UBE2F: variants seen among roughly 807,000 people sequenced by gnomAD.
UBE2F encodes ubiquitin conjugating enzyme E2 F (putative), also known as NEDD8-conjugating enzyme UBE2F.
Under a neutral mutation model 29.6 loss-of-function variants are expected in UBE2F, and 5 were observed. The observed-to-expected ratio is 0.17, with a 90% CI of 0.09 to 0.36. The LOEUF (loss-of-function observed/expected upper bound fraction) is 0.36. Ranked by LOEUF, UBE2F falls within the 10% of genes least tolerant of loss-of-function variation. The pLI, the probability that UBE2F is intolerant of heterozygous loss-of-function variation, is 1.00. For missense variants in UBE2F, 141 were observed against 228.5 expected (o/e 0.62, Z 2.47); for synonymous variants, 66 against 81.8 (o/e 0.81, Z 1.04).
chr2:237,968,122 AAG>A (rs1357312675), intron 1 of UBE2F, among the ~76,000 whole-genome samples: 1 of 152,154 alleles, frequency 6.6e-6, no homozygotes, highest in Non-Finnish European at 1.5e-5. Context: ...TGAAGGAACA[AAG>A]AGGAAACTGG....
rs565698975 is a variant in UBE2F, at chr2:237,973,094, T to C, written c.-14T>C. The C allele has an allele frequency of 3.1e-6, 5 of 1,606,158 alleles. No homozygotes were observed. In the African/African-American group the frequency reaches 4.0e-5, roughly 13 times the overall value. On this transcript the variant is annotated splice_region_variant and 5_prime_UTR_variant, in exon 2 of 10. An upstream open reading frame in the 5' UTR loses its in-frame stop. Transcript: ENST00000272930. ...CTGCTTTCATTGCTGTCTTTCAGGG[T>C]AAAGGCAGCAGTAATGCTAACGCTA... is the stretch of plus-strand genomic sequence containing the variant.
intron 2 of UBE2F, among the ~76,000 whole-genome samples, chr2:237,976,907 G>C (rs556240029): frequency 1.6e-4 from 25 of 152,304 alleles, no homozygotes; most frequent in African/African-American, 5.8e-4. Context: ...GTTTATTGCA[G>C]CAAGACAGCC....
In UBE2F at chr2:237,994,773, A is replaced by G. The variant is rs1352472538; in HGVS notation, c.178A>G (p.Asn60Asp). The G allele has an allele frequency of 1.2e-6, 2 of 1,614,156 alleles. No homozygotes were observed. The highest frequency in any genetic ancestry group is 2.2e-5 in the South Asian group (2 of 91,076). ...ATGTAAAGTGCATTTTCCTGATCCA[A>G]ACAAGCTTCATTGTTTTCAGCTAAC... ...CTCKVHFPDP[N>D]KLHCFQLTVT... The change falls in exon 4 of 10, where the codon AAC (asparagine) becomes GAC (aspartate). Residue 60 changes from asparagine (N) to aspartate (D), a missense_variant. Coordinates refer to ENST00000272930, the MANE Select transcript of UBE2F (RefSeq NM_080678.3).
Position 238,042,040 on chromosome 2 carries a change from A to G in UBE2F, c.*702A>G, listed in dbSNP as rs1294021797. The G allele has an allele frequency of 2.6e-5, 4 of 152,676 alleles. No homozygotes were observed. Among genetic ancestry groups the G allele is most frequent in the African/African-American group, 9.6e-5 (4 of 41,474 alleles). The allele number at this position is 152,676 out of a possible 1,614,324, so 9.5% of individuals were successfully genotyped here. A position where few individuals can be genotyped will look rare whatever the true frequency, so the allele number is the denominator to read the frequency against. On this transcript the variant is annotated 3_prime_UTR_variant, in exon 10 of 10. Coordinates refer to ENST00000272930, the MANE Select transcript of UBE2F (RefSeq NM_080678.3). ...GCAACTATTGAAGAGAAATACAAAG[A>G]AAATATGAAAGGCACATTATTCATT... is the stretch of plus-strand genomic sequence containing the variant.
chr2:237,994,956 T>C (rs1381145504), intron 4 of UBE2F, 147 bp downstream of exon 4: 7 of 638,750 alleles, frequency 1.1e-5, no homozygotes, highest in African/African-American at 3.7e-5. Context: ...AGATATATAC[T>C]TCATAGTGAA....
intron 2 of UBE2F, among the ~76,000 whole-genome samples, 187 bp from the exon 3 acceptor site, chr2:237,987,776 G>A (rs144727418): frequency 1.3e-4 from 19 of 151,900 alleles, no homozygotes; most frequent in Non-Finnish European, 2.5e-4. Context: ...TTGGCATTCT[G>A]CAAGTCACTT....
At position 238,000,506 on chromosome 2, in the gene UBE2F, A is replaced by G. The variant is rs1229917439; in HGVS notation, c.214+5697A>G. Among the ~76,000 whole-genome samples the G allele has an allele frequency of 2.6e-5, 4 of 152,134 alleles. 1 individual carries two copies. Among genetic ancestry groups the G allele is most frequent in the South Asian group, 4.1e-4 (2 of 4,832 alleles). Reference sequence around the variant, plus strand: ...TGTTAATCAGTATTCTGTATTTTGTATTGTTGAATTGTATTCTATTGTATG... The same window carrying G: ...TGTTAATCAGTATTCTGTATTTTGTGTTGTTGAATTGTATTCTATTGTATG... On this transcript the variant is annotated intron_variant, in intron 4 of 9. Coordinates refer to ENST00000272930, the MANE Select transcript of UBE2F (RefSeq NM_080678.3).
chr2:238,006,882 A>G (rs944457000), intron 4 of UBE2F, among the ~76,000 whole-genome samples: 24 of 151,096 alleles, frequency 1.6e-4, no homozygotes, highest in African/African-American at 5.9e-4. Flanking sequence ...CAGCCTCCCA[A>G]GTAGCTGGGA....
intron 5 of UBE2F, among the ~76,000 whole-genome samples, chr2:238,021,768 T>A (rs1162963357): frequency 6.6e-6 from 1 of 152,232 alleles, no homozygotes; most frequent in Non-Finnish European, 1.5e-5. Context: ...TTCAATAACC[T>A]TTTAGAAATG....
intron 4 of UBE2F, among the ~76,000 whole-genome samples, chr2:238,016,005 G>C (rs574157004): frequency 1.3e-5 from 2 of 152,144 alleles, no homozygotes. Context: ...CTACCAGCCC[G>C]CGTTTCTAGA....
intron 3 of UBE2F, among the ~76,000 whole-genome samples, chr2:237,991,007 GT>G (rs1229948830): frequency 6.6e-6 from 1 of 152,052 alleles, no homozygotes; most frequent in Non-Finnish European, 1.5e-5. Flanking sequence ...GAGATTGTTG[GT>G]TTTTAACCCA....
chr2:238,019,816 C>T (rs1469010501), intron 5 of UBE2F, among the ~76,000 whole-genome samples: 4 of 151,926 alleles, frequency 2.6e-5, no homozygotes, highest in African/African-American at 9.7e-5. Flanking sequence ...CCTGCCACCA[C>T]ACCCGGCTAA....
At chr2:237,979,883 A>G (rs1321686324) in intron 2 of UBE2F, among the ~76,000 whole-genome samples, 1 of 152,216 alleles carries the variant, frequency 6.6e-6, no homozygotes, top group Non-Finnish European at 1.5e-5. Context: ...TTTCAGAGCT[A>G]CAGCCTTGCT....
intron 3 of UBE2F, among the ~76,000 whole-genome samples, chr2:237,990,036 T>C (rs1027838451): frequency 2.7e-5 from 4 of 149,156 alleles, no homozygotes; most frequent in African/African-American, 7.4e-5. Flanking sequence ...GAGAATTGCT[T>C]GAACCCAGGA....
At chr2:238,018,304 T>A (rs773809981) in intron 5 of UBE2F, among the ~76,000 whole-genome samples, 1 of 152,244 alleles carries the variant, frequency 6.6e-6, no homozygotes, top group Non-Finnish European at 1.5e-5. Flanking sequence ...TAAATACTTA[T>A]GACATACCGT....
intron 9 of UBE2F, 117 bp from the exon 10 acceptor site, chr2:238,041,171 T>C: frequency 1.0e-6 from 1 of 971,074 alleles, no homozygotes; most frequent in Non-Finnish European, 1.6e-6. Context: ...TTCTACCACC[T>C]TGGCGACCAC....
chr2:238,036,377 G>T (rs939951178), intron 9 of UBE2F, among the ~76,000 whole-genome samples: 1 of 151,924 alleles, frequency 6.6e-6, no homozygotes, highest in African/African-American at 2.4e-5. Context: ...ATGGAGTCTC[G>T]CTTTGTTGCC....
chr2:237,985,136 A>G (rs2063455295), intron 2 of UBE2F, among the ~76,000 whole-genome samples: 1 of 152,186 alleles, frequency 6.6e-6, no homozygotes, highest in African/African-American at 2.4e-5. Flanking sequence ...GCCAGGTCCA[A>G]TATGCTGCTT....
chr2:237,983,711 C>T (rs1419362966), intron 2 of UBE2F, among the ~76,000 whole-genome samples: 2 of 152,266 alleles, frequency 1.3e-5, no homozygotes, highest in African/African-American at 2.4e-5. Context: ...TCACTTCGTA[C>T]TCTGGGTTCC....
Sources: allele counts gnomAD v4.1 joint callset (sites outside exome capture counted in the v4.1 genomes callset), GRCh38; gene constraint gnomAD v4.1.1; transcripts MANE v1.5; gene names NCBI Gene and HGNC (gene_info 2026-07-23, HGNC 2026-07-21).